Variants in SRBD1 observed in about 807,000 individuals in gnomAD.
SRBD1 encodes S1 RNA binding domain 1.
SRBD1 carries 88 observed loss-of-function variants against 115.3 expected under a neutral mutation model. The observed-to-expected ratio is 0.76, with a 90% CI of 0.64 to 0.91. SRBD1 has a LOEUF of 0.91. SRBD1 is among the 40% of genes least tolerant of loss of function. SRBD1 has a pLI of 0.00. For synonymous variants in SRBD1, 509 were observed against 407.7 expected (o/e 1.25, Z -2.99); for missense variants, 1,385 against 1,177.4 (o/e 1.18, Z -2.58).
intron 19 of SRBD1, among the ~76,000 whole-genome samples, chr2:45,409,331 T>G (rs1423145081): frequency 6.6e-6 from 1 of 152,064 alleles, no homozygotes; most frequent in Non-Finnish European, 1.5e-5. Flanking sequence ...GCAAGAAGTC[T>G]ATGAATCCCT....
At chr2:45,525,419 T>C (rs114497383) in intron 14 of SRBD1, among the ~76,000 whole-genome samples, 133 of 152,082 alleles carry the variant, frequency 8.7e-4, no homozygotes, top group African/African-American at 3.1e-3. Context: ...TCCAGAACTA[T>C]AAAGAACTCT....
chr2:45,547,542 C>A lies in SRBD1; in HGVS notation c.1746G>T (p.Lys582Asn). The A allele has an allele frequency of 4.3e-6, 7 of 1,613,660 alleles. No homozygotes were observed. Among genetic ancestry groups the A allele is most frequent in the Non-Finnish European group, 5.9e-6 (7 of 1,179,722 alleles). ...GQGFREAEKI[K>N]TLLLNFNCST... ...CATACTTGAAATTCAGCAAAAGTGT[C>A]TTTATTTTCTCCGCCTCTCGGAAGC... The change falls in exon 13 of 21, where the codon AAG (lysine) becomes AAT (asparagine). Residue 582 changes from lysine to asparagine, a missense_variant. By Grantham distance (94) the Lys-to-Asn change is moderately conservative. Coordinates refer to ENST00000263736, the MANE Select transcript of SRBD1 (RefSeq NM_018079.5).
chr2:45,583,750 T>C (rs1396980744), intron 5 of SRBD1, among the ~76,000 whole-genome samples: 2 of 152,050 alleles, frequency 1.3e-5, no homozygotes, highest in Non-Finnish European at 2.9e-5. Flanking sequence ...AAAGATCATA[T>C]CTCATTACCA....
intron 14 of SRBD1, among the ~76,000 whole-genome samples, chr2:45,538,838 G>A (rs1345107235): frequency 2.0e-5 from 3 of 152,078 alleles, no homozygotes; most frequent in Admixed American, 6.5e-5. Context: ...TCTGAGTAAT[G>A]ACAGTACCAA....
chr2:45,527,092 T>C (rs1671466677), intron 14 of SRBD1, among the ~76,000 whole-genome samples: 1 of 151,940 alleles, frequency 6.6e-6, no homozygotes, highest in African/African-American at 2.4e-5. Flanking sequence ...ATTTTTTATA[T>C]CTTCCATAGT....
At chr2:45,470,555 A>AATGAGC (rs1208305476) in intron 16 of SRBD1, among the ~76,000 whole-genome samples, 1 of 152,194 alleles carries the variant, frequency 6.6e-6, no homozygotes, top group Non-Finnish European at 1.5e-5. Context: ...TGGAGGTGTT[A>AATGAGC]ATGAGCATGA....
chr2:45,559,051 C>T (rs1672576396), intron 10 of SRBD1, among the ~76,000 whole-genome samples: 1 of 152,104 alleles, frequency 6.6e-6, no homozygotes, highest in African/African-American at 2.4e-5. Flanking sequence ...ATCCACCCAC[C>T]ATTTAATCAG....
intron 16 of SRBD1, among the ~76,000 whole-genome samples, chr2:45,462,185 A>C (rs996903293): frequency 6.6e-6 from 1 of 152,352 alleles, no homozygotes; most frequent in Admixed American, 6.5e-5. Flanking sequence ...CGCTGTGGTT[A>C]GTTGAAAGTG....
At chr2:45,573,761 T>C (rs1222393876) in intron 8 of SRBD1, among the ~76,000 whole-genome samples, 1 of 152,190 alleles carries the variant, frequency 6.6e-6, no homozygotes, top group Non-Finnish European at 1.5e-5. Flanking sequence ...CAATTTATAA[T>C]ACTGAACCAA....
Position 45,424,400 on chromosome 2 carries a change from T to C in SRBD1, c.2050-4506A>G, listed in dbSNP as rs138453151. 4.1e-3 allele frequency among the ~76,000 whole-genome samples: 620 copies of C among 152,294 alleles called. 20 individuals are homozygous for C. Among genetic ancestry groups the C allele is most frequent in the Admixed American group, 0.037 (567 of 15,292 alleles). ...ATGACCTGTTTGTGTAAAAAGGTAT[T>C]TTTAATCTTGACCCAAAATTTGAAA... is the stretch of plus-strand genomic sequence containing the variant. On this transcript the variant is annotated intron_variant, in intron 16 of 20. Coordinates refer to ENST00000263736, the MANE Select transcript of SRBD1 (RefSeq NM_018079.5).
At chr2:45,595,411 C>T (rs1313062884) in intron 4 of SRBD1, among the ~76,000 whole-genome samples, 1 of 152,194 alleles carries the variant, frequency 6.6e-6, no homozygotes, top group Non-Finnish European at 1.5e-5. Context: ...CACAACCATT[C>T]CTTGCTAACT....
chr2:45,592,815 A>T (rs1213995801), intron 4 of SRBD1, among the ~76,000 whole-genome samples: 1 of 152,218 alleles, frequency 6.6e-6, no homozygotes, highest in Non-Finnish European at 1.5e-5. Context: ...CAGCATAAGC[A>T]TCATCTGAGA....
intron 14 of SRBD1, among the ~76,000 whole-genome samples, chr2:45,492,202 T>C (rs775378207): frequency 6.6e-6 from 1 of 152,226 alleles, no homozygotes; most frequent in Non-Finnish European, 1.5e-5. Flanking sequence ...TAATTTGTTT[T>C]CTGTATAAAA....
In SRBD1 at chr2:45,578,982, ATGT is replaced by A. The variant is rs528434206; in HGVS notation, c.1072+890_1072+892del. The stretch of plus-strand genomic sequence containing the variant: ...TGTATATCAAAACATCATGTTGCAC[ATGT>A]TAACTATATAATTTTTTAATATTAA... On this transcript the variant is annotated intron_variant, in intron 7 of 20. Transcript: ENST00000263736. Among the ~76,000 whole-genome samples, 25 of 152,282 alleles carry A rather than the reference ATGT, an allele frequency of 1.6e-4. No homozygotes were observed. In the South Asian group the frequency reaches 5.2e-3, roughly 32 times the overall value.
At chr2:45,394,695 C>T (rs541031957) in intron 19 of SRBD1, among the ~76,000 whole-genome samples, 1 of 152,312 alleles carries the variant, frequency 6.6e-6, no homozygotes, top group South Asian at 2.1e-4. Flanking sequence ...GTTCTCCCAT[C>T]TCTCACTTAA....
chr2:45,433,258 C>G (rs2103681498), intron 16 of SRBD1, among the ~76,000 whole-genome samples: 1 of 152,138 alleles, frequency 6.6e-6, no homozygotes, highest in Non-Finnish European at 1.5e-5. Flanking sequence ...CTTAAAAATA[C>G]AAAGAGAGTG....
intron 15 of SRBD1, among the ~76,000 whole-genome samples, chr2:45,484,783 G>A (rs1670065686): frequency 6.6e-6 from 1 of 152,136 alleles, no homozygotes; most frequent in South Asian, 2.1e-4. Flanking sequence ...CCTACAGTCA[G>A]TTTTCAATCT....
chr2:45,520,383 C>T (rs965886281), intron 14 of SRBD1, among the ~76,000 whole-genome samples: 2 of 152,226 alleles, frequency 1.3e-5, no homozygotes, highest in Admixed American at 6.5e-5. Context: ...CACCTGCTGA[C>T]ACTGCCACAG....
At chr2:45,509,367 C>T (rs527429060) in intron 14 of SRBD1, among the ~76,000 whole-genome samples, 7 of 152,082 alleles carry the variant, frequency 4.6e-5, no homozygotes, top group Admixed American at 3.9e-4. Context: ...GAGGCCGAGG[C>T]GGGCGGATCA....
Sources: gnomAD v4.1 joint callset for allele counts (sites outside exome capture counted in the v4.1 genomes callset) on GRCh38, gnomAD v4.1.1 for gene constraint, MANE v1.5 for transcripts, NCBI Gene and HGNC (gene_info 2026-07-23, HGNC 2026-07-21) for gene names.